The following LMX1A variants were observed in gnomAD, a reference collection of about 807,000 sequenced individuals.
The protein encoded by LMX1A is LIM homeobox transcription factor 1 alpha, also known as LIM homeobox transcription factor 1-alpha.
A neutral mutation model predicts 49.1 loss-of-function variants in LMX1A; 15 were observed. The ratio of observed to expected loss-of-function variants is 0.31; its 90% confidence interval spans 0.20 to 0.47. LMX1A has a LOEUF of 0.47. Ranked by LOEUF, LMX1A falls within the 20% of genes least tolerant of loss-of-function variation. The probability of loss-of-function intolerance (pLI) is 1.00; values close to 1 mark genes in which losing one functional copy is unlikely to be tolerated. For synonymous variants in LMX1A, 167 were observed against 185.7 expected (o/e 0.90, Z 0.82); for missense variants, 372 against 475.8 (o/e 0.78, Z 2.03).
At chr1:165,217,925 G>C (rs531943309) in intron 4 of LMX1A, among the ~76,000 whole-genome samples, 4 of 152,272 alleles carry the variant, frequency 2.6e-5, no homozygotes, top group East Asian at 1.9e-4. Flanking sequence ...AGCACTTCAT[G>C]CTCTAGAGCT....
chr1:165,252,198 A>G (rs1408776877), intron 3 of LMX1A, among the ~76,000 whole-genome samples: 1 of 152,234 alleles, frequency 6.6e-6, no homozygotes. Context: ...CATGGTGGGT[A>G]CTCACTAAAA....
At chr1:165,269,750 G>A (rs973971831) in intron 3 of LMX1A, among the ~76,000 whole-genome samples, 1 of 152,144 alleles carries the variant, frequency 6.6e-6, no homozygotes, top group Non-Finnish European at 1.5e-5. Flanking sequence ...GCAGGGACAC[G>A]GATGAAGCTG....
At chr1:165,224,815 T>C (rs1185860116) in intron 4 of LMX1A, among the ~76,000 whole-genome samples, 3 of 152,214 alleles carry the variant, frequency 2.0e-5, no homozygotes, top group African/African-American at 7.2e-5. Context: ...CCAGTCACTA[T>C]AGAAATTATT....
At chr1:165,221,677 T>TACA (rs1264723941) in intron 4 of LMX1A, among the ~76,000 whole-genome samples, 1 of 152,166 alleles carries the variant, frequency 6.6e-6, no homozygotes, top group African/African-American at 2.4e-5. Flanking sequence ...AGGGGAGCTG[T>TACA]GTGTCTCCAC....
intron 3 of LMX1A, among the ~76,000 whole-genome samples, chr1:165,279,276 C>T (rs778816772): frequency 2.6e-5 from 4 of 152,196 alleles, no homozygotes; most frequent in Non-Finnish European, 4.4e-5. Context: ...GAAGAGGCCT[C>T]GTCCCCAATA....
chr1:165,204,970 G>A (rs1406606664), intron 8 of LMX1A, among the ~76,000 whole-genome samples: 1 of 152,024 alleles, frequency 6.6e-6, no homozygotes, highest in Admixed American at 6.5e-5. Context: ...TGTGATATGG[G>A]AAAGTAGGCG....
intron 3 of LMX1A, among the ~76,000 whole-genome samples, chr1:165,342,226 G>T (rs1347336355): frequency 6.6e-6 from 1 of 152,208 alleles, no homozygotes; most frequent in Non-Finnish European, 1.5e-5. Flanking sequence ...AGCCTCCACT[G>T]GGGGCACAGT....
chr1:165,311,815 G>A (rs1655085804), intron 3 of LMX1A, among the ~76,000 whole-genome samples: 2 of 152,150 alleles, frequency 1.3e-5, no homozygotes, highest in Non-Finnish European at 2.9e-5. Flanking sequence ...TTTGCTATAA[G>A]GCCCAATTCC....
rs1372396595 is a variant in LMX1A, at chr1:165,224,338, T to C, written c.497-10525A>G. ...TTTATAGATTTCACAGTCTCCTGTATGTCTTTATAGCAGTACAAGAACAGA... is the reference window on the plus strand; with the variant it reads ...TTTATAGATTTCACAGTCTCCTGTACGTCTTTATAGCAGTACAAGAACAGA... On this transcript the variant is annotated intron_variant, in intron 4 of 8. Transcript: ENST00000342310. Among the ~76,000 whole-genome samples the C allele has an allele frequency of 2.0e-5, 3 of 152,216 alleles. No individual in the cohort carries two copies. In the East Asian group the frequency reaches 5.8e-4, roughly 29 times the overall value.
rs138479785 is a variant in LMX1A at position 165,213,200 on chromosome 1, T to C, written c.669+441A>G. 573 of 156,148 alleles carry C rather than the reference T, an allele frequency of 3.7e-3. 3 individuals carry two copies. The highest frequency in any genetic ancestry group is 6.1e-3 in the Non-Finnish European group (432 of 70,840). 9.7% of individuals were successfully genotyped at this position (156,148 alleles called of 1,614,324 possible). ...AACAGGTGCATGGACAAACCAATCATGGCACACCTATACAGTGGAATGCTG... is the reference window on the plus strand; with the variant it reads ...AACAGGTGCATGGACAAACCAATCACGGCACACCTATACAGTGGAATGCTG... On this transcript the variant is annotated intron_variant, in intron 5 of 8. Coordinates refer to ENST00000342310, the MANE Select transcript of LMX1A (RefSeq NM_177398.4).
chr1:165,293,146 A>C (rs1654525625), intron 3 of LMX1A, among the ~76,000 whole-genome samples: 1 of 151,998 alleles, frequency 6.6e-6, no homozygotes, highest in African/African-American at 2.4e-5. Flanking sequence ...ACAAAACAAA[A>C]AAAAAACCTT....
At chr1:165,251,227 T>C (rs1314366219) in intron 3 of LMX1A, among the ~76,000 whole-genome samples, 1 of 151,950 alleles carries the variant, frequency 6.6e-6, no homozygotes, top group African/African-American at 2.4e-5. Context: ...GGATTAAAGG[T>C]GCATGTCACC....
At chr1:165,206,125 A>C (rs1651068913) in intron 7 of LMX1A, 91 bp from the exon 8 acceptor site, 1 of 1,272,182 alleles carries the variant, frequency 7.9e-7, no homozygotes, top group Admixed American at 2.5e-5. Context: ...ATAAAATAAA[A>C]TGGGATGAGG....
intron 3 of LMX1A, among the ~76,000 whole-genome samples, chr1:165,282,409 C>G (rs148905089): frequency 0.011 from 1,724 of 152,266 alleles, 18 homozygotes; most frequent in Middle Eastern, 0.054. Context: ...TACTTTCATT[C>G]TTCTCTAGGT....
intron 3 of LMX1A, among the ~76,000 whole-genome samples, chr1:165,346,033 G>A (rs2101767497): frequency 6.6e-6 from 1 of 152,282 alleles, no homozygotes; most frequent in Non-Finnish European, 1.5e-5. Context: ...GAGGGAGAAG[G>A]GGACAGAGGC....
chr1:165,291,955 G>A (rs1654481357), intron 3 of LMX1A, among the ~76,000 whole-genome samples: 1 of 151,424 alleles, frequency 6.6e-6, no homozygotes, highest in Non-Finnish European at 1.5e-5. Flanking sequence ...CCAGCTACAC[G>A]GGAGGCTGAG....
chr1:165,316,076 C>T (rs1312973656), intron 3 of LMX1A, among the ~76,000 whole-genome samples: 2 of 152,194 alleles, frequency 1.3e-5, no homozygotes, highest in Non-Finnish European at 2.9e-5. Context: ...CACCCCCTCA[C>T]CCACAGTCTG....
intron 3 of LMX1A, among the ~76,000 whole-genome samples, chr1:165,259,870 T>G (rs771860283): frequency 2.6e-5 from 4 of 152,234 alleles, no homozygotes; most frequent in Non-Finnish European, 5.9e-5. Context: ...GCACTGTGTG[T>G]GGGACAGTGA....
chr1:165,309,798 G>A lies in LMX1A; in HGVS notation c.263+43278C>T, dbSNP rs139161448. Among the ~76,000 whole-genome samples, 412 of 152,228 alleles carry A rather than the reference G, an allele frequency of 2.7e-3. 1 individual carries two copies. The highest frequency in any genetic ancestry group is 3.4e-3 in the Middle Eastern group (1 of 294). On this transcript the variant is annotated intron_variant, in intron 3 of 8. Coordinates refer to ENST00000342310, the MANE Select transcript of LMX1A (RefSeq NM_177398.4). ...TCTTGACAAGCCAAATCATAGCATC[G>A]CAACCTCTACAACAGTCACCACATT...
Sources: allele counts gnomAD v4.1 joint callset (sites outside exome capture counted in the v4.1 genomes callset), GRCh38; gene constraint gnomAD v4.1.1; transcripts MANE v1.5; gene names NCBI Gene and HGNC (gene_info 2026-07-23, HGNC 2026-07-21).